CRB2: variants seen among roughly 807,000 people sequenced by gnomAD.
CRB2 encodes the protein protein crumbs homolog 2.
CRB2 carries 85 observed loss-of-function variants against 110.9 expected under a neutral mutation model. The ratio of observed to expected loss-of-function variants is 0.77; its 90% CI spans 0.64 to 0.92. The LOEUF (loss-of-function observed/expected upper bound fraction) is 0.92. CRB2 is among the 40% of genes least tolerant of loss of function. CRB2 has a pLI of 0.00. For synonymous variants in CRB2, 907 were observed against 831.0 expected (o/e 1.09, Z -1.57); for missense variants, 1,843 against 1,851.3 (o/e 1.00, Z 0.08).
At chr9:123,359,441 G>GTTTTTTTTTTTTTTTTTTT (rs375773781) in intron 1 of CRB2, among the ~76,000 whole-genome samples, 3 of 94,430 alleles carry the variant, frequency 3.2e-5, no homozygotes, top group African/African-American at 5.8e-5. Flanking sequence ...TTTTTGTTTT[G>GTTTTTTTTTTTTTTTTTTT]TTTTTTTTTT....
rs554328684 is a variant in CRB2 at position 123,378,086 on chromosome 9, T to G, written c.*1024T>G. On this transcript the variant is annotated 3_prime_UTR_variant, in exon 13 of 13. Transcript: ENST00000373631. ...CTTCCTAGCAGCCTGGTGAGCTCACTCCTTCCCCTGATGACTGGCTGCCTC... is the reference window on the plus strand; with the variant it reads ...CTTCCTAGCAGCCTGGTGAGCTCACGCCTTCCCCTGATGACTGGCTGCCTC... 4.8e-4 allele frequency: 74 copies of G among 152,630 alleles called. No homozygotes were observed. Among genetic ancestry groups the G allele is most frequent in the Non-Finnish European group, 9.2e-4 (63 of 68,286 alleles). 9.5% of individuals were successfully genotyped at this position (152,630 alleles called of 1,614,324 possible). A position where few individuals can be genotyped will look rare whatever the true frequency, so the allele number is the denominator to read the frequency against.
chr9:123,369,297 C>T (rs139557707), intron 6 of CRB2, among the ~76,000 whole-genome samples: 2 of 152,334 alleles, frequency 1.3e-5, no homozygotes, highest in East Asian at 3.9e-4. Flanking sequence ...CATGCCATCA[C>T]TCTGTCCATA....
At chr9:123,376,442 C>T (rs550817957) in intron 12 of CRB2, among the ~76,000 whole-genome samples, 7 of 152,322 alleles carry the variant, frequency 4.6e-5, no homozygotes, top group East Asian at 3.9e-4. Context: ...ACCCTGCCCC[C>T]GCAGGTGGGC....
intron 1 of CRB2, among the ~76,000 whole-genome samples, 168 bp downstream of exon 1, chr9:123,356,522 C>T (rs1189791701): frequency 6.7e-6 from 1 of 148,214 alleles, no homozygotes; most frequent in Non-Finnish European, 1.5e-5. Flanking sequence ...CTCTGTGGGG[C>T]TCCACGGAGG....
intron 2 of CRB2, among the ~76,000 whole-genome samples, chr9:123,365,711 C>G (rs1396056707): frequency 6.6e-6 from 1 of 152,174 alleles, no homozygotes; most frequent in Non-Finnish European, 1.5e-5. Context: ...CTGCTGTGAG[C>G]CCCATGAAGG....
chr9:123,375,157 C>T (rs1256146776), intron 11 of CRB2, 60 bp from the exon 12 acceptor site: 1 of 1,606,506 alleles, frequency 6.2e-7, no homozygotes, highest in African/African-American at 1.3e-5. Context: ...AGCAGAGCAG[C>T]TGGGAGCACA....
Position 123,370,333 on chromosome 9 carries a change from CACCTGGT to C in CRB2, c.1284_1290del (p.Gly429MetfsTer13). 1 of 1,613,848 alleles carries C rather than the reference CACCTGGT, an allele frequency of 6.2e-7. No individual in the cohort carries two copies. On this transcript the variant is annotated frameshift_variant, in exon 7 of 13. Coordinates refer to ENST00000373631, the MANE Select transcript of CRB2 (RefSeq NM_173689.7). LOFTEE classifies it high-confidence loss of function. ...GTCCACAGTTACGTCTGCCACTGCC[CACCTGGT>C]ACCCATGGACCGTTCTGTGGCCAGA...
At chr9:123,379,424 G>A (rs1379624067), downstream of CRB2, among the ~76,000 whole-genome samples, 3 of 152,168 alleles carry the variant, frequency 2.0e-5, no homozygotes, top group African/African-American at 4.8e-5. Flanking sequence ...CCCCCGCAGG[G>A]CTGAGCAGGC....
At chr9:123,361,427 G>A (rs879938413) in intron 1 of CRB2, among the ~76,000 whole-genome samples, 3 of 152,208 alleles carry the variant, frequency 2.0e-5, no homozygotes, top group Non-Finnish European at 4.4e-5. Context: ...GGAAGGATGC[G>A]GGTCAGGCCA....
At position 123,371,588 on chromosome 9, in the gene CRB2, TGGTGGC is replaced by T. The variant is rs755284585; in HGVS notation, c.2436+16_2436+21del. The T allele has an allele frequency of 1.9e-6, 3 of 1,611,268 alleles. No individual in the cohort carries two copies. The highest frequency in any genetic ancestry group is 1.7e-6 in the Non-Finnish European group (2 of 1,179,948). On this transcript the variant is annotated intron_variant, in intron 8 of 12. Transcript: ENST00000373631. ...CGAGGACATGTGCAGTGTAAGTGTC[TGGTGGC>T]GGTGGTGGTGGTGGGGTGGGGAGTC...
At chr9:123,365,838 T>C in intron 2 of CRB2, 79 bp from the exon 3 acceptor site, 8 of 1,268,838 alleles carry the variant, frequency 6.3e-6, no homozygotes, top group Non-Finnish European at 8.4e-6. Flanking sequence ...TCTCTAACTC[T>C]GGAGCAGGCC....
At chr9:123,372,097 G>A (rs866045546) in intron 8 of CRB2, 80 bp from the exon 9 acceptor site, 45 of 1,410,216 alleles carry the variant, frequency 3.2e-5, no homozygotes, top group East Asian at 1.1e-4. Context: ...GGTGCTCAGC[G>A]AAGAAGCACT....
intron 9 of CRB2, among the ~76,000 whole-genome samples, 189 bp from the exon 10 acceptor site, chr9:123,372,945 G>T (rs560100988): frequency 3.9e-4 from 59 of 152,356 alleles, no homozygotes; most frequent in African/African-American, 1.4e-3. Context: ...TCCTCCATGG[G>T]TAGGAAATAC....
At position 123,373,860 on chromosome 9, in the gene CRB2, C is replaced by T. The variant is rs73571431; in HGVS notation, c.3329C>T (p.Thr1110Met). The T allele has an allele frequency of 0.11, 171,838 of 1,555,676 alleles. 10,190 individuals are homozygous for T. Among genetic ancestry groups the T allele is most frequent in the Admixed American group, 0.19 (10,347 of 53,536 alleles). Residue 1110 changes from threonine to methionine, a missense_variant, in exon 10 of 13, where the codon ACG becomes ATG. Transcript: ENST00000373631. Reference sequence around the variant, plus strand: ...CCCTGCGCCCGTGGCCGCTGTCACACGCACCCCGACGGCCGCTTCGAGTGC... The same window carrying T: ...CCCTGCGCCCGTGGCCGCTGTCACATGCACCCCGACGGCCGCTTCGAGTGC... The part of the protein sequence containing the change: ...SAPCARGRCH[T>M]HPDGRFECRC...
In CRB2 at chr9:123,370,116, T is replaced by A. The variant is rs374856766; in HGVS notation, c.1063T>A (p.Cys355Ser). Residue 355 changes from cysteine to serine, a missense_variant, in exon 7 of 13, where the codon TGT (cysteine) becomes AGT (serine). Coordinates refer to ENST00000373631, the MANE Select transcript of CRB2 (RefSeq NM_173689.7). ...HCPDGYAGPT[C>S]EEDVDECLSD... is the part of the protein sequence containing the mutation. Reference sequence around the variant, plus strand: ...CTTTGTCTCTCCCAAAGGGCCGACATGTGAGGAAGATGTGGATGAATGCCT... The same window carrying A: ...CTTTGTCTCTCCCAAAGGGCCGACAAGTGAGGAAGATGTGGATGAATGCCT... 19 of 1,584,736 alleles carry A rather than the reference T, an allele frequency of 1.2e-5. No homozygotes were observed. The East Asian group carries it at 4.3e-4, about 36-fold the overall frequency.
intron 12 of CRB2, among the ~76,000 whole-genome samples, chr9:123,376,236 G>A (rs562572175): frequency 6.6e-6 from 1 of 152,286 alleles, no homozygotes; most frequent in South Asian, 2.1e-4. Context: ...TACAGAGGGA[G>A]GCTGGTGAGT....
At chr9:123,376,602 CCTT>C (rs1459934672) in intron 12 of CRB2, among the ~76,000 whole-genome samples, 2 of 152,192 alleles carry the variant, frequency 1.3e-5, no homozygotes, top group African/African-American at 2.4e-5. Flanking sequence ...CCATCTCTGT[CCTT>C]CTAGCCAGAA....
rs2041995029 is a variant in CRB2, at chr9:123,370,296, T to C, written c.1243T>C (p.Phe415Leu). 6.2e-7 allele frequency: 1 copy of C among 1,613,212 alleles called. No homozygotes were observed. Among genetic ancestry groups the C allele is most frequent in the South Asian group, 1.1e-5 (1 of 91,074 alleles). Reference protein sequence around the residue: ...CPLAATCIPIFESGVHSYVCH... With the variant: ...CPLAATCIPILESGVHSYVCH... ...GCTGGCTGCCACCTGCATCCCTATC[T>C]TCGAGTCTGGGGTCCACAGTTACGT... is the stretch of plus-strand genomic sequence containing the variant. The change falls in exon 7 of 13, where the codon TTC becomes CTC. Residue 415 changes from phenylalanine to leucine, a missense_variant. By Grantham distance (22) the Phe-to-Leu change is conservative. Coordinates refer to ENST00000373631, the MANE Select transcript of CRB2 (RefSeq NM_173689.7).
Position 123,371,456 on chromosome 9 carries a change from C to A in CRB2, c.2314C>A (p.Leu772Ile), listed in dbSNP as rs376152518. The change falls in exon 8 of 13, where the codon CTC (leucine) becomes ATC (isoleucine). Residue 772 changes from leucine (L) to isoleucine (I), a missense_variant. Physicochemically the swap from Leu to Ile is conservative, Grantham distance 5. Transcript: ENST00000373631. ...PFRGCLQDLR[L>I]DGCHLPFFPL... The stretch of plus-strand genomic sequence containing the variant: ...CCGAGGCTGCCTCCAGGACCTGCGA[C>A]TCGATGGCTGCCACCTCCCCTTCTT... 21 of 1,613,046 alleles carry A rather than the reference C, an allele frequency of 1.3e-5. No homozygotes were observed. The highest frequency in any genetic ancestry group is 1.6e-5 in the Non-Finnish European group (19 of 1,180,034).
Sources: allele counts gnomAD v4.1 joint callset (sites outside exome capture counted in the v4.1 genomes callset), GRCh38; gene constraint gnomAD v4.1.1; transcripts MANE v1.5; gene names NCBI Gene and HGNC (gene_info 2026-07-23, HGNC 2026-07-21).